SLC45A4: variants seen among roughly 807,000 people sequenced by gnomAD.
The protein encoded by SLC45A4 is polyamine-transporter SLC45A4.
SLC45A4 carries 32 observed loss-of-function variants against 63.7 expected under a neutral mutation model. The observed-to-expected ratio is 0.50, with a 90% CI of 0.38 to 0.67. The LOEUF (loss-of-function observed/expected upper bound fraction) is 0.67, where lower values mean the gene tolerates loss of function less well. SLC45A4 is among the 30% of genes least tolerant of loss of function. The pLI, the probability that SLC45A4 is intolerant of heterozygous loss-of-function variation, is 0.00. For missense variants in SLC45A4, 1,027 were observed against 1,157.7 expected (o/e 0.89, Z 1.64); for synonymous variants, 535 against 510.0 (o/e 1.05, Z -0.66).
rs146766999 is a variant in SLC45A4, at chr8:141,218,569, G to T, written c.1071C>A (p.Pro357=). The change falls in exon 5 of 9, where the codon CCC becomes CCA. Residue 357 remains proline (P), a synonymous_variant. Transcript: ENST00000517878. ...CTTCCTTGAGGAAGGTGGCCAGGCGGGGCAGCTTGGTCTTGGCGAGCTCCT... is the reference window on the plus strand; with the variant it reads ...CTTCCTTGAGGAAGGTGGCCAGGCGTGGCAGCTTGGTCTTGGCGAGCTCCT... ...TSQELAKTKL[P]RLATFLKEAA... 1 of 1,613,422 alleles carries T rather than the reference G, an allele frequency of 6.2e-7. No individual in the cohort carries two copies.
At position 141,218,473 on chromosome 8, in the gene SLC45A4, G is replaced by A; in HGVS notation, c.1167C>T (p.Ser389=). 1.2e-6 allele frequency: 2 copies of A among 1,613,164 alleles called. No individual in the cohort carries two copies. The highest frequency in any genetic ancestry group is 4.5e-5 in the East Asian group (2 of 44,872). The change falls in exon 5 of 9, where the codon TCC becomes TCT. Residue 389 remains serine (S), a synonymous_variant. Coordinates refer to ENST00000517878, the MANE Select transcript of SLC45A4 (RefSeq NM_001286646.2). ...NEAKVPNGSG[S]PTKDALGGYT... is the part of the protein sequence containing the mutation. ...AGCCGCCGAGGGCGTCTTTTGTGGG[G>A]GAGCCACTTCCGTTTGGGACTTTAG... is the stretch of plus-strand genomic sequence containing the variant.
intron 1 of SLC45A4, among the ~76,000 whole-genome samples, chr8:141,263,244 GAA>G (rs1829111492): frequency 1.3e-5 from 2 of 151,146 alleles, no homozygotes; most frequent in Admixed American, 6.6e-5. Flanking sequence ...GGGATAGCAT[GAA>G]GAGATATACC....
At position 141,210,831 on chromosome 8, in the gene SLC45A4, G is replaced by C. The variant is rs920613145; in HGVS notation, c.*741C>G. 2.0e-5 allele frequency: 3 copies of C among 152,238 alleles called. No individual in the cohort carries two copies. The highest frequency in any genetic ancestry group is 4.4e-5 in the Non-Finnish European group (3 of 68,052). The allele number at this position is 152,238 out of a possible 1,614,324, so 9.4% of individuals were successfully genotyped here. On this transcript the variant is annotated 3_prime_UTR_variant, in exon 9 of 9. Coordinates refer to ENST00000517878, the MANE Select transcript of SLC45A4 (RefSeq NM_001286646.2). ...GGGGCCTCCCTGTCTCCTGATCTCA[G>C]TAAGCCTACACCGACCGTTTCAAAT...
intron 1 of SLC45A4, among the ~76,000 whole-genome samples, chr8:141,296,238 C>T (rs980607792): frequency 2.0e-5 from 3 of 150,502 alleles, no homozygotes; most frequent in Non-Finnish European, 3.0e-5. Context: ...GGCTGAGGCA[C>T]GAGAATCGCT....
chr8:141,244,953 T>TGGGCGGGGGGGGG (rs1332452740), intron 2 of SLC45A4, among the ~76,000 whole-genome samples: 1 of 27,756 alleles, frequency 3.6e-5, no homozygotes, highest in Non-Finnish European at 6.1e-5. Context: ...CAAGAAGACG[T>TGGGCGGGGGGGGG]GGGTGGGGGG....
chr8:141,230,641 C>T (rs910760818), intron 2 of SLC45A4, among the ~76,000 whole-genome samples: 5 of 152,218 alleles, frequency 3.3e-5, no homozygotes, highest in East Asian at 1.9e-4. Flanking sequence ...CCTTGCTGCC[C>T]GAGCGCACGC....
intron 1 of SLC45A4, among the ~76,000 whole-genome samples, chr8:141,291,279 C>T (rs1830337678): frequency 6.6e-6 from 1 of 152,194 alleles, no homozygotes; most frequent in Admixed American, 6.5e-5. Context: ...AATCCATGAC[C>T]CAGAAAAGAT....
chr8:141,254,583 T>TAC lies in SLC45A4; in HGVS notation c.-356_-355dup, dbSNP rs1481555438. 2 of 702,330 alleles carry TAC rather than the reference T, an allele frequency of 2.8e-6. No homozygotes were observed. The highest frequency in any genetic ancestry group is 5.2e-6 in the Non-Finnish European group (2 of 384,912). The allele number at this position is 702,330 out of a possible 1,614,324, so 43.5% of individuals were successfully genotyped here. On this transcript the variant is annotated 5_prime_UTR_variant, in exon 2 of 9. The change creates a premature stop within an existing upstream ORF in the 5' untranslated region. Coordinates refer to ENST00000517878, the MANE Select transcript of SLC45A4 (RefSeq NM_001286646.2). This position sits in a 1 kb window ranked among gnomAD's most constrained non-coding sequence, Gnocchi z 4.5. ...TTGCTACAGAGAGGTGGGAAGGTGA[T>TAC]ACAAACAGGTGGTCCGCTGGTAATC...
rs377758504 is a variant in SLC45A4 at position 141,259,906 on chromosome 8, T to C, written c.-400-5277A>G. Among the ~76,000 whole-genome samples the C allele has an allele frequency of 5.3e-5, 8 of 152,346 alleles. No individual in the cohort carries two copies. The East Asian group carries it at 9.6e-4, about 18-fold the overall frequency. Reference sequence around the variant, plus strand: ...GAATGAATGAATAAGGCTGATCAGCTGATAGTTACTATGGGGTATCTGCAC... The same window carrying C: ...GAATGAATGAATAAGGCTGATCAGCCGATAGTTACTATGGGGTATCTGCAC... On this transcript the variant is annotated intron_variant, in intron 1 of 8. Coordinates refer to ENST00000517878, the MANE Select transcript of SLC45A4 (RefSeq NM_001286646.2).
chr8:141,299,726 G>A (rs1266323903), intron 1 of SLC45A4, among the ~76,000 whole-genome samples: 2 of 152,240 alleles, frequency 1.3e-5, no homozygotes, highest in Non-Finnish European at 1.5e-5. Flanking sequence ...AAAGCCTCAG[G>A]TTAGGGCAGG....
Position 141,207,762 on chromosome 8 carries a change from G to A in SLC45A4, c.*3810C>T, listed in dbSNP as rs1035452892. On this transcript the variant is annotated 3_prime_UTR_variant, in exon 9 of 9. Transcript: ENST00000517878. The stretch of plus-strand genomic sequence containing the variant: ...TCAGTCCTCCTGGAGGACCCAAGGA[G>A]GGGCTGGCCAAGGGGCCACCTTGAG... The A allele has an allele frequency of 6.6e-6, 1 of 152,322 alleles. No individual in the cohort carries two copies. The highest frequency in any genetic ancestry group is 2.4e-5 in the African/African-American group (1 of 41,464). 9.4% of individuals were successfully genotyped at this position (152,322 alleles called of 1,614,324 possible). A position where few individuals can be genotyped will look rare whatever the true frequency, so the allele number is the denominator to read the frequency against.
rs779337518 is a variant in SLC45A4 at position 141,218,665 on chromosome 8, C to G, written c.975G>C (p.Leu325=). 1 of 1,613,370 alleles carries G rather than the reference C, an allele frequency of 6.2e-7. No individual in the cohort carries two copies. The highest frequency in any genetic ancestry group is 8.5e-7 in the Non-Finnish European group (1 of 1,179,922). Residue 325 remains leucine, a synonymous_variant, in exon 5 of 9, where the codon CTG becomes CTC. Coordinates refer to ENST00000517878, the MANE Select transcript of SLC45A4 (RefSeq NM_001286646.2). ...DTALDLEPEL[L]FLHDIEPSIF... ...TGGAGGGCTCGATGTCGTGCAGGAA[C>G]AGCAGCTCGGGCTCCAGGTCCAGCG...
chr8:141,277,311 AG>A (rs2154615018), intron 1 of SLC45A4, among the ~76,000 whole-genome samples: 1 of 152,390 alleles, frequency 6.6e-6, no homozygotes, highest in African/African-American at 2.4e-5. Flanking sequence ...CAAAAAGACC[AG>A]TTTCAGAAAT....
intron 1 of SLC45A4, among the ~76,000 whole-genome samples, chr8:141,303,062 A>G (rs1337736245): frequency 7.4e-6 from 1 of 135,608 alleles, no homozygotes; most frequent in African/African-American, 2.9e-5. Context: ...TGTGGGTGTG[A>G]TCTCCCCTCA....
At chr8:141,223,325 A>C (rs1463342635) in intron 2 of SLC45A4, among the ~76,000 whole-genome samples, 1 of 152,216 alleles carries the variant, frequency 6.6e-6, no homozygotes, top group Non-Finnish European at 1.5e-5. Context: ...GTGAGAGTTT[A>C]CACGGCAGAC....
chr8:141,258,893 T>TAA (rs367859490), intron 1 of SLC45A4, among the ~76,000 whole-genome samples: 47,665 of 145,972 alleles, frequency 0.33, 8,447 homozygotes, highest in Admixed American at 0.42. Context: ...CTCTTTTTTT[T>TAA]AAAAAAAAAA....
intron 2 of SLC45A4, among the ~76,000 whole-genome samples, chr8:141,242,590 G>A (rs919438526): frequency 8.5e-5 from 13 of 152,204 alleles, no homozygotes; most frequent in African/African-American, 3.1e-4. Flanking sequence ...TGCTCAGTTC[G>A]TAGCTTGCTG....
chr8:141,265,850 C>T (rs1829245271), intron 1 of SLC45A4, among the ~76,000 whole-genome samples: 1 of 152,242 alleles, frequency 6.6e-6, no homozygotes, highest in Admixed American at 6.5e-5. Flanking sequence ...GTTCCAGCGA[C>T]TGTCGGGGCA....
intron 2 of SLC45A4, among the ~76,000 whole-genome samples, chr8:141,233,385 T>C (rs1241656317): frequency 6.6e-6 from 1 of 152,088 alleles, no homozygotes; most frequent in Non-Finnish European, 1.5e-5. Flanking sequence ...CTTGGGTATT[T>C]AAAAATTAAA....
Sources: allele counts gnomAD v4.1 joint callset (sites outside exome capture counted in the v4.1 genomes callset), GRCh38; gene constraint gnomAD v4.1.1; non-coding constraint Gnocchi (gnomAD v3.1); transcripts MANE v1.5; gene names NCBI Gene and HGNC (gene_info 2026-07-23, HGNC 2026-07-21).